The following CALN1 variants were observed in gnomAD, a reference collection of about 807,000 sequenced individuals.
CALN1 encodes calcium-binding protein 8.
CALN1 carries 17 observed loss-of-function variants against 30.6 expected under a neutral mutation model. That is an observed-to-expected ratio of 0.56 (90% CI 0.38 to 0.83). The LOEUF is 0.83. Among genes scored for constraint, CALN1 ranks in the 40% least tolerant of loss-of-function variants. The pLI is 0.00. For missense variants in CALN1, 291 were observed against 354.9 expected, an observed-to-expected ratio of 0.82 and a Z score of 1.45; for synonymous variants, 156 against 131.4, an observed-to-expected ratio of 1.19 and a Z score of -1.28.
At chr7:72,082,523 C>T (rs1805216412) in intron 4 of CALN1, among the ~76,000 whole-genome samples, 1 of 152,156 alleles carries the variant, frequency 6.6e-6, no homozygotes, top group Non-Finnish European at 1.5e-5. Context: ...GGAAGGAGAC[C>T]TCCTGAAAAC....
At chr7:72,106,414 T>A in intron 3 of CALN1, 120 bp from the exon 4 acceptor site, 1 of 1,190,236 alleles carries the variant, frequency 8.4e-7, no homozygotes, top group East Asian at 2.4e-5. Flanking sequence ...TTGTTAAAAC[T>A]CTTTAATCAG....
chr7:72,031,888 CCCA>C (rs1436586965), intron 4 of CALN1, among the ~76,000 whole-genome samples: 1 of 151,730 alleles, frequency 6.6e-6, no homozygotes, highest in East Asian at 1.9e-4. Flanking sequence ...ATTACAGGCA[CCCA>C]CCACCATGCC....
the CALN1 span, among the ~76,000 whole-genome samples, chr7:72,452,374 G>T: frequency 2.6e-5 from 4 of 152,124 alleles, no homozygotes; most frequent in Admixed American, 2.0e-4. Flanking sequence ...GGTCACAGGG[G>T]TGGATCCCTT....
chr7:72,147,120 G>A (rs1386404945), intron 3 of CALN1, among the ~76,000 whole-genome samples: 1 of 152,252 alleles, frequency 6.6e-6, no homozygotes, highest in Admixed American at 6.5e-5. Context: ...TGACAAATGG[G>A]ATCTAATTAA....
intron 5 of CALN1, among the ~76,000 whole-genome samples, chr7:71,882,722 T>TG (rs1301741711): frequency 1.3e-5 from 2 of 152,140 alleles, no homozygotes; most frequent in African/African-American, 2.4e-5. Context: ...CTTGCTATGT[T>TG]GCCCAGGCTG....
chr7:72,378,977 T>G (rs576388624), intron 2 of CALN1, among the ~76,000 whole-genome samples: 76 of 152,356 alleles, frequency 5.0e-4, no homozygotes, highest in African/African-American at 1.8e-3. Context: ...TTCCTTAGTC[T>G]GTTATGGTGA....
intron 2 of CALN1, among the ~76,000 whole-genome samples, chr7:72,345,270 CTG>C (rs1802578923): frequency 6.8e-6 from 1 of 147,086 alleles, no homozygotes; most frequent in Non-Finnish European, 1.5e-5. Context: ...ATTCATTCAC[CTG>C]TGTTTGAAAC....
intron 3 of CALN1, among the ~76,000 whole-genome samples, chr7:72,114,825 C>A (rs766149543): frequency 6.6e-6 from 1 of 152,096 alleles, no homozygotes; most frequent in Non-Finnish European, 1.5e-5. Context: ...GAAACCCCGT[C>A]TCTACTAAAA....
At chr7:72,497,694 C>T in the CALN1 span, among the ~76,000 whole-genome samples, 1 of 152,062 alleles carries the variant, frequency 6.6e-6, no homozygotes, top group African/African-American at 2.4e-5. Flanking sequence ...CAGAATTTAA[C>T]ACTCTTCAGA....
At chr7:71,996,591 C>T (rs1029765714) in intron 5 of CALN1, among the ~76,000 whole-genome samples, 31 of 152,102 alleles carry the variant, frequency 2.0e-4, no homozygotes, top group Admixed American at 1.8e-3. Flanking sequence ...CATAGTATTC[C>T]GTGGTGTATA....
chr7:72,221,787 G>A (rs1365681739), intron 3 of CALN1, among the ~76,000 whole-genome samples: 1 of 151,956 alleles, frequency 6.6e-6, no homozygotes, highest in African/African-American at 2.4e-5. Context: ...CAACTCAGGA[G>A]GTTGAGGCAG....
At chr7:72,019,946 G>A (rs1800610069) in intron 5 of CALN1, among the ~76,000 whole-genome samples, 1 of 152,202 alleles carries the variant, frequency 6.6e-6, no homozygotes, top group South Asian at 2.1e-4. Flanking sequence ...CTGATGGGAA[G>A]CCTTGCTAGA....
At chr7:72,371,004 C>A (rs1443900074) in intron 2 of CALN1, among the ~76,000 whole-genome samples, 2 of 150,042 alleles carry the variant, frequency 1.3e-5, no homozygotes, top group Non-Finnish European at 3.0e-5. Flanking sequence ...GCCAAGATCA[C>A]CCCACAGAAC....
chr7:71,837,594 T>C (rs1378210399), intron 5 of CALN1, among the ~76,000 whole-genome samples: 2 of 152,156 alleles, frequency 1.3e-5, no homozygotes, highest in African/African-American at 2.4e-5. Flanking sequence ...AAATCAGTTA[T>C]GCGAGAGCTC....
chr7:72,241,812 A>C (rs1794855690), intron 3 of CALN1, among the ~76,000 whole-genome samples: 1 of 152,216 alleles, frequency 6.6e-6, no homozygotes, highest in South Asian at 2.1e-4. Context: ...TCCAAACAAA[A>C]GCAGCCCATG....
At chr7:72,406,238 C>A (rs1001753573) in intron 1 of CALN1, among the ~76,000 whole-genome samples, 3 of 152,190 alleles carry the variant, frequency 2.0e-5, no homozygotes, top group African/African-American at 7.2e-5. Flanking sequence ...ACAAGCCGGA[C>A]TAACCACCGT....
upstream of CALN1, among the ~76,000 whole-genome samples, chr7:72,450,895 T>C (rs1349334227): frequency 6.6e-6 from 1 of 152,060 alleles, no homozygotes; most frequent in Non-Finnish European, 1.5e-5. Context: ...GATTAGAGGA[T>C]CCTCATGTGG....
intron 5 of CALN1, among the ~76,000 whole-genome samples, chr7:71,981,020 C>T (rs541992510): frequency 1.3e-5 from 2 of 152,166 alleles, no homozygotes; most frequent in African/African-American, 2.4e-5. Context: ...ACCAGGACAC[C>T]GCCACACTGC....
chr7:72,144,133 T>C (rs1585031753), intron 3 of CALN1, among the ~76,000 whole-genome samples: 1 of 152,016 alleles, frequency 6.6e-6, no homozygotes, highest in Admixed American at 6.6e-5. Context: ...CAATATTAAC[T>C]TTAAATGTAA....
Sources: gnomAD v4.1 joint callset for allele counts (sites outside exome capture counted in the v4.1 genomes callset) on GRCh38, gnomAD v4.1.1 for gene constraint, MANE v1.5 for transcripts, NCBI Gene and HGNC (gene_info 2026-07-23, HGNC 2026-07-21) for gene names.